The following SLCO3A1 variants were observed in gnomAD, a reference collection of about 807,000 sequenced individuals.
SLCO3A1 encodes PGE1 transporter.
In SLCO3A1, 27 loss-of-function variants were observed where a neutral mutation model predicts 63.1. That is an observed-to-expected ratio of 0.43 (90% CI 0.32 to 0.59). The LOEUF is 0.59. Ranked by LOEUF, SLCO3A1 falls within the 20% of genes least tolerant of loss-of-function variation. The probability of loss-of-function intolerance (pLI) is 0.09; values close to 1 mark genes in which losing one functional copy is unlikely to be tolerated. For synonymous variants in SLCO3A1, 473 were observed against 409.9 expected, an observed-to-expected ratio of 1.15 and a Z score of -1.86; for missense variants, 773 against 945.8, an observed-to-expected ratio of 0.82 and a Z score of 2.40.
chr15:92,010,974 C>G (rs2046362598), intron 2 of SLCO3A1, among the ~76,000 whole-genome samples: 1 of 152,220 alleles, frequency 6.6e-6, no homozygotes, highest in Admixed American at 6.5e-5. Flanking sequence ...ACAGACTGTT[C>G]CCAGCACAGC....
chr15:92,049,339 C>T (rs1321031622), intron 2 of SLCO3A1, among the ~76,000 whole-genome samples: 1 of 152,130 alleles, frequency 6.6e-6, no homozygotes, highest in Non-Finnish European at 1.5e-5. Context: ...ATTGGCTCAG[C>T]TCGGGTGAGT....
In SLCO3A1 at chr15:92,104,436, G is replaced by C. The variant is rs2047642851; in HGVS notation, c.903G>C (p.Gln301His). ...CAGAGCCCGCCATGGAAAGCGAGCA[G>C]GCCATGCTCTCCGAAAGAGAATACG... ...PHSEPAMESEQAMLSEREYER... is the reference protein window; with the variant it reads ...PHSEPAMESEHAMLSEREYER... Residue 301 changes from glutamine to histidine, a missense_variant, in exon 4 of 10, where the codon CAG (glutamine) becomes CAC (histidine). This residue lies in a region of SLCO3A1 where 565 missense variants were observed against 749.8 expected (regional missense o/e 0.75). Transcript: ENST00000318445. 2 of 1,614,168 alleles carry C rather than the reference G, an allele frequency of 1.2e-6. No individual in the cohort carries two copies. The highest frequency in any genetic ancestry group is 4.5e-5 in the East Asian group (2 of 44,874).
chr15:91,889,415 G>A (rs924916604), intron 1 of SLCO3A1, among the ~76,000 whole-genome samples: 1 of 152,192 alleles, frequency 6.6e-6, no homozygotes, highest in South Asian at 2.1e-4. Context: ...CATCCCAGGG[G>A]TATCTTGACC....
chr15:92,079,920 T>A (rs1025961161), intron 2 of SLCO3A1, among the ~76,000 whole-genome samples: 1 of 152,246 alleles, frequency 6.6e-6, no homozygotes, highest in African/African-American at 2.4e-5. Context: ...CCTAGAGAGC[T>A]TCTGGGAGGA....
chr15:92,069,096 G>A (rs58683567), intron 2 of SLCO3A1, among the ~76,000 whole-genome samples: 1 of 115,734 alleles, frequency 8.6e-6, no homozygotes, highest in Non-Finnish European at 1.8e-5. Context: ...GGCTCCCCCC[G>A]CCCCCCCCCC....
intron 1 of SLCO3A1, among the ~76,000 whole-genome samples, chr15:91,899,425 C>T (rs1898094956): frequency 6.6e-6 from 1 of 152,066 alleles, no homozygotes; most frequent in African/African-American, 2.4e-5. Context: ...ACTTGGAGTT[C>T]CCTTTCTTTT....
At chr15:92,109,443 C>T (rs1040552622) in intron 4 of SLCO3A1, among the ~76,000 whole-genome samples, 2 of 152,206 alleles carry the variant, frequency 1.3e-5, no homozygotes, top group Non-Finnish European at 2.9e-5. Context: ...GACACAGCTG[C>T]AGCCTAAAAG....
intron 2 of SLCO3A1, among the ~76,000 whole-genome samples, chr15:92,072,244 A>G (rs2047225382): frequency 6.8e-6 from 1 of 146,204 alleles, no homozygotes; most frequent in African/African-American, 2.6e-5. Context: ...TTGTGTGTTT[A>G]AAAGGAGATT....
At chr15:92,036,539 A>G (rs1368046154) in intron 2 of SLCO3A1, among the ~76,000 whole-genome samples, 1 of 151,866 alleles carries the variant, frequency 6.6e-6, no homozygotes, top group Non-Finnish European at 1.5e-5. Flanking sequence ...CTCTTTACAC[A>G]CCTTGATAGG....
At position 92,127,319 on chromosome 15, in the gene SLCO3A1, C is replaced by G. The variant is rs573305579; in HGVS notation, c.1374-1032C>G. On this transcript the variant is annotated intron_variant, in intron 6 of 9. Coordinates refer to ENST00000318445, the MANE Select transcript of SLCO3A1 (RefSeq NM_013272.4). ...TAGTGGTTAGGAGCACAAGGTCTTACTATAATGACGTTATTCTTCCATGAA... is the reference window on the plus strand; with the variant it reads ...TAGTGGTTAGGAGCACAAGGTCTTAGTATAATGACGTTATTCTTCCATGAA... Among the ~76,000 whole-genome samples, 26 of 152,244 alleles carry G rather than the reference C, an allele frequency of 1.7e-4. No homozygotes were observed. The South Asian group carries it at 5.4e-3, about 32-fold the overall frequency.
At chr15:92,036,606 A>G (rs1026798316) in intron 2 of SLCO3A1, among the ~76,000 whole-genome samples, 3 of 152,022 alleles carry the variant, frequency 2.0e-5, no homozygotes, top group Admixed American at 6.6e-5. Context: ...AATTGTTTCC[A>G]TTATCACTCT....
intron 2 of SLCO3A1, among the ~76,000 whole-genome samples, chr15:92,025,703 T>G (rs946590960): frequency 2.6e-5 from 4 of 152,144 alleles, no homozygotes; most frequent in Non-Finnish European, 4.4e-5. Flanking sequence ...TCTCTATGAG[T>G]TTAGTGTTAA....
At chr15:91,999,696 G>T (rs2046230731) in intron 2 of SLCO3A1, among the ~76,000 whole-genome samples, 1 of 152,244 alleles carries the variant, frequency 6.6e-6, no homozygotes, top group East Asian at 1.9e-4. Flanking sequence ...GGAGGCCGAG[G>T]CAGGAGGATT....
chr15:91,975,930 G>C (rs375827323), intron 2 of SLCO3A1, among the ~76,000 whole-genome samples: 5 of 152,368 alleles, frequency 3.3e-5, no homozygotes, highest in East Asian at 3.8e-4. Context: ...GAGCCCTGCA[G>C]TCCTCTTTGT....
At chr15:91,981,532 C>T (rs1342626635) in intron 2 of SLCO3A1, among the ~76,000 whole-genome samples, 2 of 152,118 alleles carry the variant, frequency 1.3e-5, no homozygotes, top group Admixed American at 6.5e-5. Flanking sequence ...GTGCTTCCTA[C>T]CTGTGCGCAT....
chr15:92,004,156 G>A (rs751226958), intron 2 of SLCO3A1, among the ~76,000 whole-genome samples: 2 of 152,164 alleles, frequency 1.3e-5, no homozygotes, highest in Non-Finnish European at 2.9e-5. Context: ...GCTCCAGTCT[G>A]TGCTAAATCA....
In SLCO3A1 at chr15:91,963,939, CTGCTGATTGGTCCATTTTACAGAG is replaced by C. The variant is rs1027680163; in HGVS notation, c.646+47503_646+47526del. Among the ~76,000 whole-genome samples, 29 of 152,246 alleles carry C rather than the reference CTGCTGATTGGTCCATTTTACAGAG, an allele frequency of 1.9e-4. No individual in the cohort carries two copies. The South Asian group carries it at 4.8e-3, about 25-fold the overall frequency. On this transcript the variant is annotated intron_variant, in intron 2 of 9. Transcript: ENST00000318445. ...TCCCTTATTTGGCCCCGCCCACATC[CTGCTGATTGGTCCATTTTACAGAG>C]TGCTGATTGGTCCATTTTACAAAGT... is the stretch of plus-strand genomic sequence containing the variant.
intron 7 of SLCO3A1, among the ~76,000 whole-genome samples, chr15:92,138,042 C>T (rs2048081523): frequency 9.1e-6 from 1 of 110,370 alleles, no homozygotes; most frequent in South Asian, 2.6e-4. Context: ...GACATGAAGT[C>T]CTTGCCCATG....
At chr15:92,131,639 A>T (rs73540496) in intron 7 of SLCO3A1, among the ~76,000 whole-genome samples, 4,673 of 145,564 alleles carry the variant, frequency 0.032, 557 homozygotes, top group African/African-American at 0.11. Flanking sequence ...AAGTGCTGGG[A>T]TTACAAGGCC....
Sources: allele counts gnomAD v4.1 joint callset (sites outside exome capture counted in the v4.1 genomes callset), GRCh38; gene constraint gnomAD v4.1.1; regional missense constraint gnomAD v4.1.1; transcripts MANE v1.5; gene names NCBI Gene and HGNC (gene_info 2026-07-23, HGNC 2026-07-21).